The following SLC17A8 variants were observed in gnomAD, a reference collection of about 807,000 sequenced individuals.
The protein encoded by SLC17A8 is solute carrier family 17 member 8, also known as vesicular glutamate transporter 3.
SLC17A8 carries 31 observed loss-of-function variants against 58.0 expected under a neutral mutation model. That is an observed-to-expected ratio of 0.53 (90% CI 0.40 to 0.72). The LOEUF is 0.72. Among genes scored for constraint, SLC17A8 ranks in the 30% least tolerant of loss-of-function variants. SLC17A8 has a pLI of 0.00. For synonymous variants in SLC17A8, 228 were observed against 249.0 expected, an observed-to-expected ratio of 0.92 and a Z score of 0.79; for missense variants, 655 against 727.8, an observed-to-expected ratio of 0.90 and a Z score of 1.15.
Position 100,421,530 on chromosome 12 carries a change from C to G in SLC17A8, c.*1371C>G, listed in dbSNP as rs1952948039. The G allele has an allele frequency of 6.6e-6, 1 of 151,850 alleles. No homozygotes were observed. Among genetic ancestry groups the G allele is most frequent in the Non-Finnish European group, 1.5e-5 (1 of 67,968 alleles). 9.4% of individuals were successfully genotyped at this position (151,850 alleles called of 1,614,324 possible). A position where few individuals can be genotyped will look rare whatever the true frequency, so the allele number is the denominator to read the frequency against. ...ATATTTAAAATTTTAACATTGGCAT[C>G]TAAAGTGTTATTTGAAAATAAAATT... On this transcript the variant is annotated 3_prime_UTR_variant, in exon 12 of 12. Transcript: ENST00000323346.
At chr12:100,418,304 T>G in intron 11 of SLC17A8, 148 bp downstream of exon 11, 1 of 967,040 alleles carries the variant, frequency 1.0e-6, no homozygotes, top group Non-Finnish European at 1.6e-6. Context: ...TTTTTCTTCC[T>G]TCTTCTGATT....
In SLC17A8 at chr12:100,418,965, T is replaced by C. The variant is rs77122734; in HGVS notation, c.1425+809T>C. Among the ~76,000 whole-genome samples, 644 of 152,322 alleles carry C rather than the reference T, an allele frequency of 4.2e-3. 4 individuals are homozygous for C. Among genetic ancestry groups the C allele is most frequent in the African/African-American group, 0.015 (614 of 41,570 alleles). ...AATGATAGGATTGATAACCTGACTA[T>C]TAAATCCAAGATATCTTCCCCCAAC... On this transcript the variant is annotated intron_variant, in intron 11 of 11. Coordinates refer to ENST00000323346, the MANE Select transcript of SLC17A8 (RefSeq NM_139319.3).
At position 100,412,784 on chromosome 12, in the gene SLC17A8, G is replaced by T. The variant is rs1952879275; in HGVS notation, c.1201G>T (p.Ala401Ser). 2.5e-6 allele frequency: 4 copies of T among 1,613,694 alleles called. No individual in the cohort carries two copies. In the East Asian group the frequency reaches 8.9e-5, roughly 36 times the overall value. ...TCCATTTGCAGGTTTTGGCATGGAG[G>T]CAACCTTACTCCTGGTGGTTGGCTT... ...IMNCGGFGME[A>S]TLLLVVGFSH... The change falls in exon 10 of 12, where the codon GCA (alanine) becomes TCA (serine). Residue 401 changes from alanine to serine, a missense_variant. Coordinates refer to ENST00000323346, the MANE Select transcript of SLC17A8 (RefSeq NM_139319.3).
At chr12:100,400,202 G>A (rs534185840) in intron 5 of SLC17A8, among the ~76,000 whole-genome samples, 1 of 152,172 alleles carries the variant, frequency 6.6e-6, no homozygotes, top group Admixed American at 6.5e-5. Context: ...ACCTCCCAGG[G>A]TATTTGGCCT....
At chr12:100,409,392 C>G (rs919283586) in intron 9 of SLC17A8, among the ~76,000 whole-genome samples, 6 of 152,058 alleles carry the variant, frequency 3.9e-5, no homozygotes, top group African/African-American at 1.4e-4. Flanking sequence ...TGCCATGTTG[C>G]CCAGGCTGGT....
chr12:100,367,600 G>C (rs768108021), intron 1 of SLC17A8, among the ~76,000 whole-genome samples: 2 of 151,860 alleles, frequency 1.3e-5, no homozygotes, highest in Non-Finnish European at 2.9e-5. Flanking sequence ...ACCTAGGCTG[G>C]AGTGCAGTGG....
Position 100,358,432 on chromosome 12 carries a change from C to T in SLC17A8, c.101+940C>T, listed in dbSNP as rs555988354. 5.3e-5 allele frequency among the ~76,000 whole-genome samples: 8 copies of T among 152,202 alleles called. No individual in the cohort carries two copies. The East Asian group carries it at 1.3e-3, about 26-fold the overall frequency. On this transcript the variant is annotated intron_variant, in intron 1 of 11. Transcript: ENST00000323346. ...AACTTTTTCATTTAAATGACTATTT[C>T]CAGGCAATCTGAGATTCATCCCATT... is the stretch of plus-strand genomic sequence containing the variant.
At chr12:100,383,861 C>CT (rs536020326) in intron 2 of SLC17A8, among the ~76,000 whole-genome samples, 60 of 151,906 alleles carry the variant, frequency 3.9e-4, no homozygotes, top group Non-Finnish European at 7.2e-4. Context: ...TGCCACCATT[C>CT]TTAGCTAATT....
intron 3 of SLC17A8, among the ~76,000 whole-genome samples, chr12:100,392,456 T>C (rs1952723631): frequency 6.6e-6 from 1 of 152,154 alleles, no homozygotes; most frequent in South Asian, 2.1e-4. Context: ...GGTAAAAAAA[T>C]TGGAAGCCAC....
At chr12:100,373,576 A>ATTTTTTTTT (rs1566388438) in intron 1 of SLC17A8, among the ~76,000 whole-genome samples, 1 of 117,264 alleles carries the variant, frequency 8.5e-6, no homozygotes, top group African/African-American at 3.4e-5. Flanking sequence ...CAAATCAGTG[A>ATTTTTTTTT]CTTTTTTTTT....
In SLC17A8 at chr12:100,369,386, C is replaced by A. The variant is rs550383546; in HGVS notation, c.102-11315C>A. ...AGGAAAAAGCAGCAGAGAACATATA[C>A]TTCTAGACTGTTCTGGATAAAACAC... On this transcript the variant is annotated intron_variant, in intron 1 of 11. Coordinates refer to ENST00000323346, the MANE Select transcript of SLC17A8 (RefSeq NM_139319.3). Among the ~76,000 whole-genome samples the A allele has an allele frequency of 1.1e-4, 16 of 152,340 alleles. No individual in the cohort carries two copies. In the South Asian group the frequency reaches 3.3e-3, roughly 32 times the overall value.
At chr12:100,381,035 G>C (rs941978415) in intron 2 of SLC17A8, 82 bp downstream of exon 2, 2 of 1,551,700 alleles carry the variant, frequency 1.3e-6, no homozygotes, top group Non-Finnish European at 1.8e-6. Flanking sequence ...ACAGTGGCAC[G>C]ATCTTGGCTT....
chr12:100,373,603 G>C (rs991833190), intron 1 of SLC17A8, among the ~76,000 whole-genome samples: 1 of 98,980 alleles, frequency 1.0e-5, no homozygotes, highest in East Asian at 3.4e-4. Flanking sequence ...TTTTTTTTCC[G>C]AGACAGAGTC....
intron 3 of SLC17A8, among the ~76,000 whole-genome samples, chr12:100,392,854 C>T (rs1952726354): frequency 6.6e-6 from 1 of 152,160 alleles, no homozygotes; most frequent in Admixed American, 6.5e-5. Context: ...AAGCAGGAAA[C>T]AACCTCAAAC....
intron 9 of SLC17A8, 91 bp downstream of exon 9, chr12:100,404,261 C>A: frequency 6.5e-7 from 1 of 1,533,270 alleles, no homozygotes; most frequent in African/African-American, 1.4e-5. Flanking sequence ...GACATTTAGT[C>A]ATTGGAGTGG....
rs138232575 is a variant in SLC17A8 at position 100,380,717 on chromosome 12, A to G, written c.118A>G (p.Thr40Ala). 91 of 1,613,986 alleles carry G rather than the reference A, an allele frequency of 5.6e-5. No individual in the cohort carries two copies. The South Asian group carries it at 6.8e-4, about 12-fold the overall frequency. The change falls in exon 2 of 12, where the codon ACT (threonine) becomes GCT (alanine). Residue 40 changes from threonine (T) to alanine (A), a missense_variant. By Grantham distance (58) the Thr-to-Ala change is moderately conservative. Coordinates refer to ENST00000323346, the MANE Select transcript of SLC17A8 (RefSeq NM_139319.3). The part of the protein sequence containing the change: ...GILQRKIDGT[T>A]EEEDNIELNE... ...CCCATGTAGAAAAATCGATGGGACA[A>G]CTGAGGAAGAAGATAACATTGAGCT...
intron 10 of SLC17A8, among the ~76,000 whole-genome samples, chr12:100,413,695 G>A (rs1306257634): frequency 6.6e-6 from 1 of 152,202 alleles, no homozygotes; most frequent in Non-Finnish European, 1.5e-5. Flanking sequence ...ATGGTTACTG[G>A]CCGGGTGCGC....
intron 2 of SLC17A8, among the ~76,000 whole-genome samples, chr12:100,384,984 C>A (rs1490669607): frequency 6.6e-6 from 1 of 152,074 alleles, no homozygotes; most frequent in South Asian, 2.1e-4. Flanking sequence ...GTGCCTTGAG[C>A]CTTTGTCTTG....
intron 2 of SLC17A8, among the ~76,000 whole-genome samples, chr12:100,384,727 C>T (rs988761584): frequency 3.9e-5 from 6 of 152,236 alleles, no homozygotes; most frequent in Admixed American, 2.6e-4. Flanking sequence ...CCCAGGCTGT[C>T]CTCCACCCTG....
Sources: allele counts gnomAD v4.1 joint callset (sites outside exome capture counted in the v4.1 genomes callset), GRCh38; gene constraint gnomAD v4.1.1; transcripts MANE v1.5; gene names NCBI Gene and HGNC (gene_info 2026-07-23, HGNC 2026-07-21).